YJU2B: variants seen among roughly 807,000 people sequenced by gnomAD.
The protein encoded by YJU2B is YJU2 splicing factor homolog B.
YJU2B carries 18 observed loss-of-function variants against 38.0 expected under a neutral mutation model. The ratio of observed to expected loss-of-function variants is 0.47; its 90% CI spans 0.33 to 0.70. YJU2B has a LOEUF of 0.70. YJU2B is among the 30% of genes least tolerant of loss of function. YJU2B has a pLI of 0.02. For missense variants in YJU2B, 538 were observed against 556.3 expected, an observed-to-expected ratio of 0.97 and a Z score of 0.33; for synonymous variants, 246 against 225.4, an observed-to-expected ratio of 1.09 and a Z score of -0.82.
At chr19:13,758,782 T>C in intron 6 of YJU2B, 86 bp from the exon 7 acceptor site, 2 of 1,496,534 alleles carry the variant, frequency 1.3e-6, no homozygotes, top group Non-Finnish European at 1.8e-6. Context: ...ATGACACCAT[T>C]GGGTGGAAGG....
upstream of YJU2B, among the ~76,000 whole-genome samples, chr19:13,744,467 G>T (rs903773696): frequency 1.3e-5 from 2 of 152,246 alleles, no homozygotes; most frequent in African/African-American, 4.8e-5. Context: ...ACATCTCTGG[G>T]ACTCTAACTT....
intron 2 of YJU2B, among the ~76,000 whole-genome samples, chr19:13,733,964 G>A (rs936035939): frequency 6.6e-6 from 1 of 152,112 alleles, no homozygotes; most frequent in African/African-American, 2.4e-5. Flanking sequence ...ATCTCACTCT[G>A]TCCCCCAGGC....
upstream of YJU2B, among the ~76,000 whole-genome samples, chr19:13,744,856 T>G (rs948503866): frequency 6.6e-6 from 1 of 151,946 alleles, no homozygotes; most frequent in East Asian, 1.9e-4. Flanking sequence ...AGCCGGGTGT[T>G]GTGGCGGGCG....
Position 13,762,925 on chromosome 19 carries a change from A to AG in YJU2B, c.1053dup (p.Gln352AlafsTer21), listed in dbSNP as rs777859304. ...TGAGACCCCCAAGTGCAGCAGCCCG[A>AG]GGGGGCAGGAAGGGAGCCGTCAGGA... On this transcript the variant is annotated frameshift_variant, in exon 10 of 10. Coordinates refer to ENST00000221554, the MANE Select transcript of YJU2B (RefSeq NM_030818.4). LOFTEE classifies it low-confidence loss of function (END_TRUNC). 1.9e-6 allele frequency: 3 copies of AG among 1,611,724 alleles called. No individual in the cohort carries two copies. The highest frequency in any genetic ancestry group is 3.3e-5 in the Admixed American group (2 of 59,886).
In YJU2B at chr19:13,763,096, G is replaced by T. The variant is rs375166277; in HGVS notation, c.*28G>T. On this transcript the variant is annotated 3_prime_UTR_variant, in exon 10 of 10. Coordinates refer to ENST00000221554, the MANE Select transcript of YJU2B (RefSeq NM_030818.4). ...GATCCCCATCCTGGAGACTGGACCC[G>T]CTCTAGAGGCCCGGACACACCCAGG... The T allele has an allele frequency of 6.6e-7, 1 of 1,512,846 alleles. No individual in the cohort carries two copies. The allele number at this position is 1,512,846 out of a possible 1,614,324, so 93.7% of individuals were successfully genotyped here. A position where few individuals can be genotyped will look rare whatever the true frequency, so the allele number is the denominator to read the frequency against.
upstream of YJU2B, among the ~76,000 whole-genome samples, chr19:13,745,753 A>G (rs1460886660): frequency 4.9e-5 from 7 of 143,948 alleles, no homozygotes; most frequent in Admixed American, 3.8e-4. Flanking sequence ...AGATATATAT[A>G]TATATCAGGA....
intron 1 of YJU2B, 38 bp from the exon 2 acceptor site, chr19:13,751,570 T>C: frequency 1.8e-6 from 1 of 560,018 alleles, no homozygotes; most frequent in Non-Finnish European, 3.2e-6. Context: ...ATGCGTATAT[T>C]GGCTGTAGAG....
At chr19:13,745,512 C>G (rs913080725), upstream of YJU2B, among the ~76,000 whole-genome samples, 3 of 151,764 alleles carry the variant, frequency 2.0e-5, no homozygotes, top group African/African-American at 7.3e-5. Flanking sequence ...AAAATACTAG[C>G]TGGGTGTGGT....
chr19:13,760,567 ACCTACC>A (rs1370187648), intron 8 of YJU2B, among the ~76,000 whole-genome samples: 3 of 151,940 alleles, frequency 2.0e-5, no homozygotes, highest in Non-Finnish European at 4.4e-5. Flanking sequence ...CATGGGAGAT[ACCTACC>A]TGGTTGCCTC....
At chr19:13,756,828 T>A (rs1390238551) in intron 4 of YJU2B, among the ~76,000 whole-genome samples, 1 of 151,620 alleles carries the variant, frequency 6.6e-6, no homozygotes, top group Non-Finnish European at 1.5e-5. Flanking sequence ...TAGAAAAAAT[T>A]AGGCTGGGTG....
At chr19:13,753,727 G>A (rs1329722456) in intron 2 of YJU2B, among the ~76,000 whole-genome samples, 2 of 152,066 alleles carry the variant, frequency 1.3e-5, no homozygotes, top group African/African-American at 2.4e-5. Context: ...CCTTCTTCAC[G>A]TGGCAGCAGC....
chr19:13,760,919 C>A (rs527885177), intron 8 of YJU2B, among the ~76,000 whole-genome samples: 2 of 152,294 alleles, frequency 1.3e-5, no homozygotes, highest in Admixed American at 1.3e-4. Context: ...CAGGTTCCCA[C>A]CACTGTGCAT....
chr19:13,753,970 A>C (rs143611888), intron 2 of YJU2B, among the ~76,000 whole-genome samples: 1 of 152,212 alleles, frequency 6.6e-6, no homozygotes, highest in African/African-American at 2.4e-5. Flanking sequence ...CAGGAGTTCA[A>C]GACCAGCCTG....
Position 13,751,626 on chromosome 19 carries a change from G to A in YJU2B, c.-183G>A. ...TAAACAGACACGCCGCTTTTTGGATGCCTCCTATGCCTGGCGGGAGTCTTG... is the reference window on the plus strand; with the variant it reads ...TAAACAGACACGCCGCTTTTTGGATACCTCCTATGCCTGGCGGGAGTCTTG... On this transcript the variant is annotated 5_prime_UTR_variant, in exon 2 of 10. An upstream start codon of the reference 5' UTR is lost. Transcript: ENST00000221554. The A allele has an allele frequency of 3.3e-6, 2 of 608,644 alleles. No homozygotes were observed. The highest frequency in any genetic ancestry group is 2.0e-5 in the South Asian group (1 of 50,040). 37.7% of individuals were successfully genotyped at this position (608,644 alleles called of 1,614,324 possible).
At chr19:13,749,067 G>C (rs568112249) in intron 1 of YJU2B, among the ~76,000 whole-genome samples, 1 of 152,306 alleles carries the variant, frequency 6.6e-6, no homozygotes, top group South Asian at 2.1e-4. Flanking sequence ...GCAGTGGCGT[G>C]ATCTCGGTTC....
chr19:13,762,168 C>G, intron 8 of YJU2B, 131 bp from the exon 9 acceptor site: 1 of 1,117,162 alleles, frequency 9.0e-7, no homozygotes, highest in Non-Finnish European at 1.3e-6. Flanking sequence ...GCACTCCAGT[C>G]TGGGCGACAG....
chr19:13,748,967 C>A (rs947010905), intron 1 of YJU2B, among the ~76,000 whole-genome samples: 1 of 152,182 alleles, frequency 6.6e-6, no homozygotes, highest in Non-Finnish European at 1.5e-5. Context: ...CCTCACTACA[C>A]CACTCCCACT....
At chr19:13,743,535 A>G (rs12976707), upstream of YJU2B, among the ~76,000 whole-genome samples, 3,106 of 148,262 alleles carry the variant, frequency 0.021, 44 homozygotes, top group Non-Finnish European at 0.032. Flanking sequence ...AGCCGAGATC[A>G]TGCCACTGTA....
At chr19:13,753,289 A>G (rs1312340864) in intron 2 of YJU2B, among the ~76,000 whole-genome samples, 1 of 152,036 alleles carries the variant, frequency 6.6e-6, no homozygotes, top group African/African-American at 2.4e-5. Flanking sequence ...AGACATACCC[A>G]AGGGCTGGGC....
Sources: allele counts gnomAD v4.1 joint callset (sites outside exome capture counted in the v4.1 genomes callset), GRCh38; gene constraint gnomAD v4.1.1; transcripts MANE v1.5; gene names NCBI Gene and HGNC (gene_info 2026-07-23, HGNC 2026-07-21).